DNAH8: variants seen among roughly 807,000 people sequenced by gnomAD.
DNAH8 encodes dynein axonemal heavy chain 8, also known as axonemal beta dynein heavy chain 8.
DNAH8 carries 382 observed loss-of-function variants against 562.1 expected under a neutral mutation model. The ratio of observed to expected loss-of-function variants is 0.68; its 90% CI spans 0.63 to 0.74. The LOEUF (loss-of-function observed/expected upper bound fraction) is 0.74. Ranked by LOEUF, DNAH8 falls within the 30% of genes least tolerant of loss-of-function variation. DNAH8 has a pLI of 0.00. For synonymous variants in DNAH8, 1,881 were observed against 1,919.4 expected (o/e 0.98, Z 0.52); for missense variants, 5,203 against 5,620.4 (o/e 0.93, Z 2.37).
intron 56 of DNAH8, among the ~76,000 whole-genome samples, chr6:38,886,263 A>G (rs1434111923): frequency 1.3e-5 from 2 of 152,172 alleles, no homozygotes; most frequent in Non-Finnish European, 2.9e-5. Flanking sequence ...GGACCTGGAA[A>G]AAAAACAAGC....
At position 38,873,281 on chromosome 6, in the gene DNAH8, A is replaced by G; in HGVS notation, c.7525A>G (p.Thr2509Ala). Residue 2509 changes from threonine (T) to alanine (A), a missense_variant, in exon 52 of 93, where the codon ACA (threonine) becomes GCA (alanine). Physicochemically the swap from Thr to Ala is moderately conservative, Grantham distance 58. This residue lies in a region of DNAH8 where 977 missense variants were observed against 1,061.8 expected (regional missense o/e 0.92). Coordinates refer to ENST00000327475, the MANE Select transcript of DNAH8 (RefSeq NM_001206927.2). ...TGCACAGGAAGCTGCTGTATTCCTGACACTGTATGAGAAAGTCTTTGAAGA... is the reference window on the plus strand; with the variant it reads ...TGCACAGGAAGCTGCTGTATTCCTGGCACTGTATGAGAAAGTCTTTGAAGA... ...RTAQEAAVFLTLYEKVFEDTY... is the reference protein window; with the variant it reads ...RTAQEAAVFLALYEKVFEDTY... The G allele has an allele frequency of 6.2e-7, 1 of 1,613,706 alleles. No homozygotes were observed. Among genetic ancestry groups the G allele is most frequent in the Non-Finnish European group, 8.5e-7 (1 of 1,179,900 alleles).
intron 82 of DNAH8, among the ~76,000 whole-genome samples, chr6:38,956,834 C>T (rs925221286): frequency 2.8e-4 from 43 of 151,936 alleles, no homozygotes; most frequent in African/African-American, 9.9e-4. Context: ...TCACTTAACC[C>T]CGACCAAGGG....
chr6:38,823,778 A>G (rs1474556835), intron 28 of DNAH8, 90 bp downstream of exon 28: 3 of 771,116 alleles, frequency 3.9e-6, no homozygotes, highest in Admixed American at 5.4e-5. Flanking sequence ...TTATCTTGGT[A>G]CAATAGTATT....
rs767393243 is a variant in DNAH8, at chr6:39,008,962, C to T, written c.13363C>T (p.Pro4455Ser). 6 of 1,606,876 alleles carry T rather than the reference C, an allele frequency of 3.7e-6. No individual in the cohort carries two copies. The Admixed American group carries it at 1.0e-4, about 27-fold the overall frequency. ...MLSKLPPDYIPHEVKSRLIKM... is the reference protein window; with the variant it reads ...MLSKLPPDYISHEVKSRLIKM... ...GAGTAAACTCCCTCCTGATTACATT[C>T]CTCATGAGGTAAGTCTTGCTGGTTT... The change falls in exon 89 of 93, where the codon CCT becomes TCT. Residue 4455 changes from proline (P) to serine (S), a missense_variant. Coordinates refer to ENST00000327475, the MANE Select transcript of DNAH8 (RefSeq NM_001206927.2).
intron 81 of DNAH8, among the ~76,000 whole-genome samples, 177 bp from the exon 82 acceptor site, chr6:38,951,141 C>T (rs148550987): frequency 3.3e-5 from 5 of 152,272 alleles, no homozygotes; most frequent in African/African-American, 1.2e-4. Flanking sequence ...CAAAACCACA[C>T]GATTAAGTTT....
chr6:38,909,657 G>A lies in DNAH8; in HGVS notation c.9653G>A (p.Cys3218Tyr), dbSNP rs1780732847. ...TTCCTTTCAGACTATAATATTGTCTGCTCTAGTGAAATTAAAAGACAAGTT... is the reference window on the plus strand; with the variant it reads ...TTCCTTTCAGACTATAATATTGTCTACTCTAGTGAAATTAAAAGACAAGTT... The part of the protein sequence containing the change: ...SYFLSDYNIV[C>Y]SSEIKRQVVE... The change falls in exon 65 of 93, where the codon TGC (cysteine) becomes TAC (tyrosine). Residue 3218 changes from cysteine to tyrosine, a missense_variant. Coordinates refer to ENST00000327475, the MANE Select transcript of DNAH8 (RefSeq NM_001206927.2). The A allele has an allele frequency of 1.2e-6, 2 of 1,613,976 alleles. No individual in the cohort carries two copies. Among genetic ancestry groups the A allele is most frequent in the Admixed American group, 1.7e-5 (1 of 59,996 alleles).
At chr6:38,929,771 T>C in intron 75 of DNAH8, 105 bp downstream of exon 75, 1 of 1,087,846 alleles carries the variant, frequency 9.2e-7, no homozygotes, top group Admixed American at 3.2e-5. Context: ...TGGTGACATC[T>C]ACTTATCTTA....
chr6:38,810,314 A>G (rs1407052519), intron 24 of DNAH8, among the ~76,000 whole-genome samples: 1 of 152,160 alleles, frequency 6.6e-6, no homozygotes, highest in Non-Finnish European at 1.5e-5. Flanking sequence ...AGTACTGGCC[A>G]GGCGCAGTGG....
rs374378337 is a variant in DNAH8 at position 38,722,806 on chromosome 6, G to T, written c.-4G>T. 9 of 1,576,484 alleles carry T rather than the reference G, an allele frequency of 5.7e-6. No individual in the cohort carries two copies. The African/African-American group carries it at 9.6e-5, about 17-fold the overall frequency. ...GAAGTATAAAGCATTCCGCACGACG[G>T]GGGATGGAGAAGGATGCTGAAGATG... On this transcript the variant is annotated 5_prime_UTR_variant, in exon 2 of 93. Coordinates refer to ENST00000327475, the MANE Select transcript of DNAH8 (RefSeq NM_001206927.2).
In DNAH8 at chr6:38,881,477, C is replaced by T. The variant is rs1423360208; in HGVS notation, c.7859-1433C>T. On this transcript the variant is annotated intron_variant, in intron 53 of 92. Transcript: ENST00000327475. ...CCAATACAAGTTTGCCTAGCAACAG[C>T]AATGGTACAGTACCACAGGTTGTAA... 2.0e-5 allele frequency among the ~76,000 whole-genome samples: 3 copies of T among 151,338 alleles called. No individual in the cohort carries two copies. In the East Asian group the frequency reaches 5.8e-4, roughly 29 times the overall value.
intron 10 of DNAH8, among the ~76,000 whole-genome samples, chr6:38,759,354 A>G (rs1281121783): frequency 6.6e-6 from 1 of 152,070 alleles, no homozygotes; most frequent in East Asian, 1.9e-4. Flanking sequence ...ACCACCAACG[A>G]AAAAACCCAC....
rs1777616656 is a variant in DNAH8, at chr6:38,873,316, A to G, written c.7560A>G (p.Thr2520=). 4 of 1,613,604 alleles carry G rather than the reference A, an allele frequency of 2.5e-6. No homozygotes were observed. Among genetic ancestry groups the G allele is most frequent in the South Asian group, 1.1e-5 (1 of 90,920 alleles). Residue 2520 remains threonine (T), a synonymous_variant, in exon 52 of 93, where the codon ACA becomes ACG. Transcript: ENST00000327475. ...LYEKVFEDTY[T]YMKLNLNPKM... ...AGAAAGTCTTTGAAGATACATACAC[A>G]TATATGAAGCTAAATCTCAATCCCA... is the stretch of plus-strand genomic sequence containing the variant.
chr6:38,872,305 CAAA>C (rs1777531554), intron 49 of DNAH8, among the ~76,000 whole-genome samples: 1 of 152,094 alleles, frequency 6.6e-6, no homozygotes, highest in South Asian at 2.1e-4. Context: ...TAATTATTTC[CAAA>C]ATGTAATTCA....
intron 3 of DNAH8, among the ~76,000 whole-genome samples, chr6:38,729,302 A>G (rs573096942): frequency 6.6e-6 from 1 of 152,360 alleles, no homozygotes; most frequent in East Asian, 1.9e-4. Flanking sequence ...GTGAATGGGT[A>G]TATGACTTTG....
At position 38,803,162 on chromosome 6, in the gene DNAH8, A is replaced by G; in HGVS notation, c.2902-17A>G. The stretch of plus-strand genomic sequence containing the variant: ...TTTAAGTATCTGGAAAATAATAGTC[A>G]TTTCTTTATTTAACAGACATACACA... On this transcript the variant is annotated splice_polypyrimidine_tract_variant and intron_variant, in intron 21 of 92. Coordinates refer to ENST00000327475, the MANE Select transcript of DNAH8 (RefSeq NM_001206927.2). 3.2e-6 allele frequency: 5 copies of G among 1,546,522 alleles called. No individual in the cohort carries two copies. The highest frequency in any genetic ancestry group is 2.6e-5 in the South Asian group (2 of 77,926).
At chr6:38,732,112 G>A (rs1287468997) in intron 4 of DNAH8, among the ~76,000 whole-genome samples, 1 of 152,164 alleles carries the variant, frequency 6.6e-6, no homozygotes, top group Non-Finnish European at 1.5e-5. Context: ...CTTGGTGTTT[G>A]CATTTGACAG....
At chr6:38,983,756 C>T (rs1239192987) in intron 86 of DNAH8, among the ~76,000 whole-genome samples, 1 of 152,102 alleles carries the variant, frequency 6.6e-6, no homozygotes, top group African/African-American at 2.4e-5. Flanking sequence ...GAGGAAAAAT[C>T]TTGTGGATAA....
chr6:38,918,355 C>A (rs1199170513), intron 70 of DNAH8, among the ~76,000 whole-genome samples: 1 of 152,078 alleles, frequency 6.6e-6, no homozygotes. Flanking sequence ...CTGAAACCAA[C>A]ATGTTAACTT....
chr6:38,753,240 C>T (rs778342216), intron 9 of DNAH8, among the ~76,000 whole-genome samples: 23 of 152,172 alleles, frequency 1.5e-4, no homozygotes, highest in Non-Finnish European at 2.8e-4. Context: ...CACGTGACCC[C>T]AAGTAAAGAA....
Sources: gnomAD v4.1 joint callset for allele counts (sites outside exome capture counted in the v4.1 genomes callset) on GRCh38, gnomAD v4.1.1 for gene constraint, gnomAD v4.1.1 regional missense constraint, MANE v1.5 for transcripts, NCBI Gene and HGNC (gene_info 2026-07-23, HGNC 2026-07-21) for gene names.